Variants in REDIC1 observed in about 807,000 individuals in gnomAD.
The protein encoded by REDIC1 is regulator of DNA class I crossover intermediates 1.
the REDIC1 span, among the ~76,000 whole-genome samples, chr12:39,630,374 A>G: frequency 6.6e-6 from 1 of 152,144 alleles, no homozygotes; most frequent in African/African-American, 2.4e-5. Flanking sequence ...TGGGGAATCA[A>G]TCAATGTCAT....
At chr12:39,653,521 CTTCTTCTTCTTCTTCTTT>C in the REDIC1 span, among the ~76,000 whole-genome samples, 58 of 56,656 alleles carry the variant, frequency 1.0e-3, 3 homozygotes, top group African/African-American at 2.9e-3. Context: ...TCTTCTTCTT[CTTCTTCTTCTTCTTCTTT>C]TTCTTCTTCT....
At chr12:39,678,580 T>C in the REDIC1 span, among the ~76,000 whole-genome samples, 2 of 147,302 alleles carry the variant, frequency 1.4e-5, no homozygotes, top group Admixed American at 6.8e-5. Flanking sequence ...CCCTAAATCA[T>C]TCTGTGAAGC....
At chr12:39,722,604 T>C in the REDIC1 span, among the ~76,000 whole-genome samples, 1 of 152,162 alleles carries the variant, frequency 6.6e-6, no homozygotes, top group Non-Finnish European at 1.5e-5. Flanking sequence ...AACTGATATT[T>C]TTCCAAATAT....
the REDIC1 span, among the ~76,000 whole-genome samples, chr12:39,771,966 A>G: frequency 6.6e-6 from 1 of 152,134 alleles, no homozygotes; most frequent in African/African-American, 2.4e-5. Flanking sequence ...TACTCTTGAT[A>G]TCTACTGTCA....
chr12:39,785,070 A>G, the REDIC1 span, among the ~76,000 whole-genome samples: 1 of 152,208 alleles, frequency 6.6e-6, no homozygotes, highest in Admixed American at 6.5e-5. Context: ...GGAGAAATTC[A>G]AGCCGGCTGC....
chr12:39,902,175 C>T, the REDIC1 span, among the ~76,000 whole-genome samples: 1 of 132,198 alleles, frequency 7.6e-6, no homozygotes, highest in East Asian at 2.3e-4. Flanking sequence ...GAGAACATCA[C>T]ACTCTGGGGA....
chr12:39,719,681 A>C, the REDIC1 span, among the ~76,000 whole-genome samples: 89 of 152,300 alleles, frequency 5.8e-4, 1 homozygote, highest in Admixed American at 5.8e-3. Context: ...CTATTTGTTA[A>C]ACAGTTCAAT....
the REDIC1 span, among the ~76,000 whole-genome samples, chr12:39,766,782 G>T: frequency 6.6e-6 from 1 of 151,998 alleles, no homozygotes; most frequent in Non-Finnish European, 1.5e-5. Flanking sequence ...TACTTTCTTT[G>T]TTCCTCCTTA....
chr12:39,685,071 T>C, the REDIC1 span: 1 of 531,012 alleles, frequency 1.9e-6, no homozygotes, highest in South Asian at 3.9e-5. Context: ...TATACTTTTT[T>C]ATTCTGAGGA....
chr12:39,696,742 GAATC>G, the REDIC1 span, among the ~76,000 whole-genome samples: 12 of 151,878 alleles, frequency 7.9e-5, no homozygotes, highest in South Asian at 2.1e-4. Context: ...TAATTAAAAA[GAATC>G]AAGCACAAAT....
chr12:39,858,345 T>C, the REDIC1 span, among the ~76,000 whole-genome samples: 1 of 152,216 alleles, frequency 6.6e-6, no homozygotes, highest in African/African-American at 2.4e-5. Flanking sequence ...ACATACAACA[T>C]TGTTTTCTAC....
At chr12:39,713,507 T>A in the REDIC1 span, among the ~76,000 whole-genome samples, 3 of 149,714 alleles carry the variant, frequency 2.0e-5, no homozygotes, top group African/African-American at 7.3e-5. Context: ...CATACATATG[T>A]ATACATGCGT....
chr12:39,728,662 A>C, the REDIC1 span, among the ~76,000 whole-genome samples: 1 of 152,160 alleles, frequency 6.6e-6, no homozygotes, highest in Admixed American at 6.5e-5. Flanking sequence ...TGGCCTCATA[A>C]AATGAGTTAG....
the REDIC1 span, among the ~76,000 whole-genome samples, chr12:39,738,784 T>C: frequency 3.9e-5 from 6 of 151,964 alleles, no homozygotes; most frequent in Non-Finnish European, 7.4e-5. Context: ...TTGGAAATAA[T>C]TTCATCTGAC....
chr12:39,711,831 A>ATGTGTGTGTACACATGCATGTG, the REDIC1 span, among the ~76,000 whole-genome samples: 2 of 8,334 alleles, frequency 2.4e-4, no homozygotes, highest in Admixed American at 1.3e-3. Context: ...ATGCATGTGT[A>ATGTGTGTGTACACATGCATGTG]TATGTGTGTA....
the REDIC1 span, chr12:39,907,918 C>T: frequency 0.43 from 65,344 of 150,782 alleles, 14,532 homozygotes; most frequent in East Asian, 0.76. Flanking sequence ...TTCTTTTTCC[C>T]GGCACTTTCC....
At chr12:39,730,918 T>C in the REDIC1 span, among the ~76,000 whole-genome samples, 2 of 152,202 alleles carry the variant, frequency 1.3e-5, no homozygotes, top group African/African-American at 4.8e-5. Context: ...GAATCTCTGA[T>C]AGACTTTTTT....
At chr12:39,667,046 T>C in the REDIC1 span, among the ~76,000 whole-genome samples, 3 of 25,666 alleles carry the variant, frequency 1.2e-4, no homozygotes, top group African/African-American at 2.0e-4. Context: ...TTTTGAAGGG[T>C]TTTTTGTGTC....
At chr12:39,838,346 TG>T in the REDIC1 span, among the ~76,000 whole-genome samples, 1 of 56,728 alleles carries the variant, frequency 1.8e-5, no homozygotes, top group South Asian at 7.4e-4. Flanking sequence ...TGTGGTGGGG[TG>T]GGGGGAGGGG....
Sources: gnomAD v4.1 joint callset for allele counts (sites outside exome capture counted in the v4.1 genomes callset) on GRCh38, gnomAD v4.1.1 for gene constraint, MANE v1.5 for transcripts, NCBI Gene and HGNC (gene_info 2026-07-23, HGNC 2026-07-21) for gene names.